MYO10: variants seen among roughly 807,000 people sequenced by gnomAD.
MYO10 encodes myosin X, also known as unconventional myosin-X.
MYO10 carries 133 observed loss-of-function variants against 257.3 expected under a neutral mutation model. The observed-to-expected ratio is 0.52, with a 90% confidence interval of 0.45 to 0.60. MYO10 has a LOEUF of 0.60. MYO10 is among the 20% of genes least tolerant of loss of function. MYO10 has a pLI of 0.00. For synonymous variants in MYO10, 1,104 were observed against 1,028.6 expected, an observed-to-expected ratio of 1.07 and a Z score of -1.40; for missense variants, 2,399 against 2,635.7, an observed-to-expected ratio of 0.91 and a Z score of 1.97.
At chr5:16,699,741 C>T (rs556070443) in intron 25 of MYO10, 168 bp from the exon 26 acceptor site, 4 of 504,114 alleles carry the variant, frequency 7.9e-6, no homozygotes, top group South Asian at 5.7e-5. Flanking sequence ...GAGCAGAGAT[C>T]GTGCCACTGC....
At chr5:16,705,225 A>G (rs1738276858) in intron 21 of MYO10, among the ~76,000 whole-genome samples, 1 of 152,228 alleles carries the variant, frequency 6.6e-6, no homozygotes, top group Non-Finnish European at 1.5e-5. Context: ...ACTTAAATGC[A>G]CTCAAAATAT....
chr5:16,817,355 T>G (rs1257342067), intron 3 of MYO10, among the ~76,000 whole-genome samples: 5 of 152,218 alleles, frequency 3.3e-5, no homozygotes, highest in African/African-American at 1.2e-4. Flanking sequence ...GGTCAACTGA[T>G]CTTGACAGAT....
intron 18 of MYO10, among the ~76,000 whole-genome samples, chr5:16,756,506 T>C (rs567309950): frequency 8.5e-4 from 129 of 152,356 alleles, no homozygotes; most frequent in African/African-American, 3.1e-3. Flanking sequence ...CATAATCTTG[T>C]TGAAGAAAAC....
At chr5:16,704,823 T>G in intron 21 of MYO10, 138 bp from the exon 22 acceptor site, 1 of 645,504 alleles carries the variant, frequency 1.5e-6, no homozygotes, top group African/African-American at 1.8e-5. Flanking sequence ...CTTTCTAGAA[T>G]AGTGCTTTTT....
chr5:16,686,842 G>A (rs980635377), intron 28 of MYO10, among the ~76,000 whole-genome samples: 15 of 151,894 alleles, frequency 9.9e-5, no homozygotes, highest in Admixed American at 6.6e-4. Flanking sequence ...GTCTATTTTT[G>A]TTATGTATTC....
chr5:16,784,757 T>G (rs1741523869), intron 4 of MYO10, among the ~76,000 whole-genome samples: 1 of 152,130 alleles, frequency 6.6e-6, no homozygotes, highest in African/African-American at 2.4e-5. Flanking sequence ...TGGGACGTTA[T>G]CAAGAAAGAG....
chr5:16,807,829 G>A (rs1742323369), intron 3 of MYO10, among the ~76,000 whole-genome samples: 1 of 152,072 alleles, frequency 6.6e-6, no homozygotes, highest in Non-Finnish European at 1.5e-5. Flanking sequence ...TCCTCATTGT[G>A]ACGCTCCTTC....
intron 5 of MYO10, among the ~76,000 whole-genome samples, chr5:16,782,882 C>T (rs1260156676): frequency 6.6e-6 from 1 of 152,196 alleles, no homozygotes; most frequent in African/African-American, 2.4e-5. Flanking sequence ...GTTAAGCCTC[C>T]AAGCGGTGGA....
chr5:16,790,150 C>G (rs1395611949), intron 4 of MYO10, among the ~76,000 whole-genome samples: 1 of 151,968 alleles, frequency 6.6e-6, no homozygotes, highest in East Asian at 1.9e-4. Flanking sequence ...ACCAAACACT[C>G]AATTACCAGT....
At position 16,701,352 on chromosome 5, in the gene MYO10, G is replaced by A. The variant is rs777083368; in HGVS notation, c.3043C>T (p.His1015Tyr). The change falls in exon 25 of 41, where the codon CAC becomes TAC. Residue 1015 changes from histidine to tyrosine, a missense_variant. This residue lies in a region of MYO10 where 1,820 missense variants were observed against 1,939.4 expected (regional missense o/e 0.94). Coordinates refer to ENST00000513610, the MANE Select transcript of MYO10 (RefSeq NM_012334.3). This position sits in a 1 kb window ranked among gnomAD's most constrained non-coding sequence, Gnocchi z 8.1. The stretch of plus-strand genomic sequence containing the variant: ...ATGCCACTTGTTCGCTGGTCTGAGT[G>A]GCCGTGCTCGCTGGGGTTGGGGGAG... The part of the protein sequence containing the change: ...KDSPNPSEHG[H>Y]SDQRTSGIRT... 1.2e-6 allele frequency: 2 copies of A among 1,613,968 alleles called. No individual in the cohort carries two copies. The highest frequency in any genetic ancestry group is 8.5e-7 in the Non-Finnish European group (1 of 1,179,860).
intron 2 of MYO10, among the ~76,000 whole-genome samples, chr5:16,821,565 T>C (rs1469837022): frequency 6.8e-6 from 1 of 146,030 alleles, no homozygotes; most frequent in Non-Finnish European, 1.5e-5. Context: ...CTCCCAGGTT[T>C]ATGCCATTCT....
chr5:16,797,902 T>G (rs1742014881), intron 3 of MYO10, among the ~76,000 whole-genome samples: 1 of 152,200 alleles, frequency 6.6e-6, no homozygotes, highest in Non-Finnish European at 1.5e-5. Flanking sequence ...GTGTTGAAAT[T>G]TAATTGCCAT....
chr5:16,874,323 G>A (rs1744531910), intron 2 of MYO10, among the ~76,000 whole-genome samples: 1 of 104,298 alleles, frequency 9.6e-6, no homozygotes, highest in Admixed American at 1.6e-4. Flanking sequence ...GACAGAGCAA[G>A]ACTCCATCTA....
At chr5:16,861,437 G>A (rs1279057213) in intron 2 of MYO10, among the ~76,000 whole-genome samples, 1 of 151,894 alleles carries the variant, frequency 6.6e-6, no homozygotes, top group Non-Finnish European at 1.5e-5. Context: ...AAGGCATGGT[G>A]GGCAGGCACC....
intron 1 of MYO10, among the ~76,000 whole-genome samples, chr5:16,892,682 A>G (rs1745092639): frequency 6.6e-6 from 1 of 152,072 alleles, no homozygotes; most frequent in African/African-American, 2.4e-5. Flanking sequence ...TAGGTCTTCA[A>G]CCCAACAAAG....
chr5:16,694,078 C>A (rs1247848570), intron 27 of MYO10, among the ~76,000 whole-genome samples: 3 of 152,258 alleles, frequency 2.0e-5, no homozygotes, highest in Non-Finnish European at 4.4e-5. Flanking sequence ...TCCAAATTCA[C>A]ACCATTCTTC....
intron 39 of MYO10, among the ~76,000 whole-genome samples, chr5:16,669,882 C>T (rs1736361682): frequency 6.6e-6 from 1 of 152,172 alleles, no homozygotes; most frequent in African/African-American, 2.4e-5. Flanking sequence ...TGGTCTCTGT[C>T]ACAACTACTC....
chr5:16,932,239 G>A (rs1204955028), intron 1 of MYO10, among the ~76,000 whole-genome samples: 1 of 152,174 alleles, frequency 6.6e-6, no homozygotes, highest in Non-Finnish European at 1.5e-5. Flanking sequence ...CAAGGTGTTT[G>A]ATTAGTCTCA....
chr5:16,672,156 G>A (rs1428366649), intron 37 of MYO10, among the ~76,000 whole-genome samples: 1 of 152,052 alleles, frequency 6.6e-6, no homozygotes, highest in East Asian at 1.9e-4. Flanking sequence ...TTAGCTGGGC[G>A]TGGTAGTACA....
Sources: gnomAD v4.1 joint callset for allele counts (sites outside exome capture counted in the v4.1 genomes callset) on GRCh38, gnomAD v4.1.1 for gene constraint, gnomAD v4.1.1 regional missense constraint, Gnocchi (gnomAD v3.1) non-coding constraint, MANE v1.5 for transcripts, NCBI Gene and HGNC (gene_info 2026-07-23, HGNC 2026-07-21) for gene names.